Variants in ADAMTSL1 observed in about 807,000 individuals in gnomAD.
The protein encoded by ADAMTSL1 is ADAMTS like 1, also known as ADAMTS-like protein 1.
ADAMTSL1 carries 126 observed loss-of-function variants against 201.8 expected under a neutral mutation model. The ratio of observed to expected loss-of-function variants is 0.62; its 90% CI spans 0.54 to 0.72. ADAMTSL1 has a LOEUF of 0.72. Ranked by LOEUF, ADAMTSL1 falls within the 30% of genes least tolerant of loss-of-function variation. ADAMTSL1 has a pLI of 0.00. For missense variants in ADAMTSL1, 2,679 were observed against 2,277.8 expected (o/e 1.18, Z -3.59); for synonymous variants, 1,121 against 903.4 (o/e 1.24, Z -4.32).
chr9:18,879,590 TG>T (rs1828397287), intron 23 of ADAMTSL1, among the ~76,000 whole-genome samples: 2 of 152,342 alleles, frequency 1.3e-5, no homozygotes, highest in South Asian at 4.1e-4. Context: ...CCACTAAGTG[TG>T]CAACACCAAT....
At chr9:18,537,879 A>AG (rs1419607635) in intron 3 of ADAMTSL1, among the ~76,000 whole-genome samples, 1 of 121,372 alleles carries the variant, frequency 8.2e-6, no homozygotes, top group African/African-American at 4.3e-5. Context: ...GTCTCTATTT[A>AG]AAAAAAAAAA....
chr9:18,075,874 T>C (rs1823198754), intron 1 of ADAMTSL1, among the ~76,000 whole-genome samples: 1 of 152,206 alleles, frequency 6.6e-6, no homozygotes, highest in Non-Finnish European at 1.5e-5. Context: ...TGAATATTTA[T>C]TGATCAAGCT....
intron 1 of ADAMTSL1, among the ~76,000 whole-genome samples, chr9:18,011,659 T>A (rs561147577): frequency 6.6e-6 from 1 of 152,052 alleles, no homozygotes; most frequent in Non-Finnish European, 1.5e-5. Context: ...TGGTAAGCCA[T>A]CTAAAACTTA....
At chr9:18,872,657 T>C (rs1827934008) in intron 23 of ADAMTSL1, among the ~76,000 whole-genome samples, 1 of 152,208 alleles carries the variant, frequency 6.6e-6, no homozygotes, top group Non-Finnish European at 1.5e-5. Context: ...TTGCTGCAAA[T>C]GCCATTATTT....
At chr9:18,063,674 C>T (rs923520377) in intron 1 of ADAMTSL1, among the ~76,000 whole-genome samples, 19 of 152,160 alleles carry the variant, frequency 1.2e-4, no homozygotes, top group African/African-American at 3.1e-4. Context: ...CTGTATACCA[C>T]GAGGAAGAGC....
chr9:18,309,443 A>T (rs1177878954), intron 2 of ADAMTSL1, among the ~76,000 whole-genome samples: 1 of 152,078 alleles, frequency 6.6e-6, no homozygotes, highest in Non-Finnish European at 1.5e-5. Flanking sequence ...AAACCCCATC[A>T]TCTCAGCCCA....
At chr9:18,446,061 T>G (rs1376963818) in intron 2 of ADAMTSL1, among the ~76,000 whole-genome samples, 3 of 152,158 alleles carry the variant, frequency 2.0e-5, no homozygotes, top group Non-Finnish European at 4.4e-5. Flanking sequence ...GATTCCAGAT[T>G]TCATCCCAGA....
chr9:18,466,425 G>A (rs1563977326), intron 2 of ADAMTSL1, among the ~76,000 whole-genome samples: 1 of 151,922 alleles, frequency 6.6e-6, no homozygotes, highest in Non-Finnish European at 1.5e-5. Flanking sequence ...CAAAAGAAAG[G>A]CTCACCATAA....
intron 1 of ADAMTSL1, among the ~76,000 whole-genome samples, chr9:18,126,925 A>G (rs1196648267): frequency 6.6e-6 from 1 of 152,188 alleles, no homozygotes; most frequent in Non-Finnish European, 1.5e-5. Context: ...TTAGTTTATC[A>G]TCGGTGGTAA....
rs145796292 is a variant in ADAMTSL1, at chr9:18,613,869, AT to A, written c.475-8373del. Among the ~76,000 whole-genome samples the A allele has an allele frequency of 9.3e-3, 1,420 of 152,308 alleles. 18 individuals carry two copies. Among genetic ancestry groups the A allele is most frequent in the African/African-American group, 0.033 (1,370 of 41,578 alleles). ...TGTAACAAAGCTGCACATCATGCAC[AT>A]GTACCCCTGAACTTAAAAGTTAAAA... On this transcript the variant is annotated intron_variant, in intron 4 of 28. Coordinates refer to ENST00000380548, the MANE Select transcript of ADAMTSL1 (RefSeq NM_001040272.6).
chr9:18,754,364 G>A (rs142931193), intron 16 of ADAMTSL1, among the ~76,000 whole-genome samples: 19 of 152,260 alleles, frequency 1.2e-4, no homozygotes, highest in African/African-American at 4.6e-4. Context: ...CAGGATTTTA[G>A]GTTGATTGCA....
At chr9:18,229,713 G>C (rs1253690995) in intron 2 of ADAMTSL1, among the ~76,000 whole-genome samples, 1 of 138,146 alleles carries the variant, frequency 7.2e-6, no homozygotes, top group Non-Finnish European at 1.6e-5. Context: ...TTTTTTTTTT[G>C]ATATGGAATT....
chr9:18,026,089 T>A (rs1381036459), intron 1 of ADAMTSL1, among the ~76,000 whole-genome samples: 1 of 152,036 alleles, frequency 6.6e-6, no homozygotes, highest in South Asian at 2.1e-4. Flanking sequence ...GAAGTCATTA[T>A]TAGTTCCAGG....
intron 3 of ADAMTSL1, among the ~76,000 whole-genome samples, chr9:18,535,309 T>C (rs1035581177): frequency 1.3e-5 from 2 of 152,168 alleles, no homozygotes; most frequent in Non-Finnish European, 2.9e-5. Context: ...GTTCCTTTTC[T>C]CCATCTGAGA....
chr9:18,662,864 A>G (rs916528034), intron 9 of ADAMTSL1, among the ~76,000 whole-genome samples: 11 of 152,190 alleles, frequency 7.2e-5, no homozygotes, highest in African/African-American at 2.7e-4. Context: ...TCTCTTTAGT[A>G]TAGTGTAGCT....
chr9:18,315,672 G>A (rs970050192), intron 2 of ADAMTSL1, among the ~76,000 whole-genome samples: 3 of 152,136 alleles, frequency 2.0e-5, no homozygotes, highest in Non-Finnish European at 2.9e-5. Flanking sequence ...GCTGGCCCAC[G>A]AGCTCTGTTT....
At position 18,098,095 on chromosome 9, in the gene ADAMTSL1, C is replaced by A. The variant is rs186649196; in HGVS notation, c.88-65767C>A. 3.0e-3 allele frequency among the ~76,000 whole-genome samples: 456 copies of A among 152,006 alleles called. 1 individual carries two copies. Among genetic ancestry groups the A allele is most frequent in the Non-Finnish European group, 4.9e-3 (335 of 67,944 alleles). ...ATTTATTGAAAACGTGATCCAATCT[C>A]CCATTGAATTACATTAGCCTTTGTA... is the stretch of plus-strand genomic sequence containing the variant. On this transcript the variant is annotated intron_variant, in intron 1 of 29. Transcript: ENST00000680146.
chr9:18,154,193 AC>A, intron 1 of ADAMTSL1, among the ~76,000 whole-genome samples: 1 of 152,186 alleles, frequency 6.6e-6, no homozygotes, highest in East Asian at 1.9e-4. Context: ...TCCCACTTCA[AC>A]ATATGCTACC....
upstream of ADAMTSL1, among the ~76,000 whole-genome samples, chr9:18,470,589 A>C (rs906910714): frequency 6.6e-6 from 1 of 152,120 alleles, no homozygotes; most frequent in African/African-American, 2.4e-5. Context: ...TGTGTCCCCT[A>C]TACACTGGTT....
Sources: allele counts gnomAD v4.1 joint callset (sites outside exome capture counted in the v4.1 genomes callset), GRCh38; gene constraint gnomAD v4.1.1; transcripts MANE v1.5; gene names NCBI Gene and HGNC (gene_info 2026-07-23, HGNC 2026-07-21).